Variants in COX11 observed in about 807,000 individuals in gnomAD.
The protein encoded by COX11 is cytochrome c oxidase assembly protein COX11, mitochondrial.
A neutral mutation model predicts 29.4 loss-of-function variants in COX11; 18 were observed. That is an observed-to-expected ratio of 0.61 (90% confidence interval 0.42 to 0.91). COX11 has a LOEUF of 0.91. Ranked by LOEUF, COX11 falls within the 40% of genes least tolerant of loss-of-function variation. The pLI is 0.00. For missense variants in COX11, 312 were observed against 346.0 expected, an observed-to-expected ratio of 0.90 and a Z score of 0.78; for synonymous variants, 131 against 124.0, an observed-to-expected ratio of 1.06 and a Z score of -0.38.
Position 54,968,527 on chromosome 17 carries a change from C to T in COX11, c.120G>A (p.Trp40Ter), listed in dbSNP as rs747368417. Reference sequence around the variant, plus strand: ...CTCTCTCGGCACCTCCTGTCCCACTCCACTCTGGCCTAAGAAACGGCTCTA... The same window carrying T: ...CTCTCTCGGCACCTCCTGTCCCACTTCACTCTGGCCTAAGAAACGGCTCTA... The part of the protein sequence containing the change: ...ERVEPFLRPE[W>*]SGTGGAERGL... The change falls in exon 1 of 4, where the codon TGG becomes TGA. Residue 40 changes from tryptophan (W) to a stop codon, truncating the protein, a stop_gained. Coordinates refer to ENST00000299335, the MANE Select transcript of COX11 (RefSeq NM_004375.5). LOFTEE classifies it high-confidence loss of function. 3 of 1,613,166 alleles carry T rather than the reference C, an allele frequency of 1.9e-6. No homozygotes were observed. The highest frequency in any genetic ancestry group is 1.7e-5 in the Admixed American group (1 of 60,004).
At chr17:54,966,146 TTC>T (rs1467338822) in intron 1 of COX11, among the ~76,000 whole-genome samples, 1 of 152,222 alleles carries the variant, frequency 6.6e-6, no homozygotes, top group Non-Finnish European at 1.5e-5. Flanking sequence ...AAGATGTAAC[TTC>T]TTTTACTAAA....
chr17:54,958,748 A>AAAGG (rs372776781), downstream of COX11, among the ~76,000 whole-genome samples: 15 of 118,928 alleles, frequency 1.3e-4, 2 homozygotes, highest in South Asian at 2.6e-4. Flanking sequence ...AAAAAAAAAA[A>AAAGG]GGGGTTGTTG....
chr17:54,967,029 CGTG>C (rs1446372825), intron 1 of COX11, among the ~76,000 whole-genome samples: 1 of 58,006 alleles, frequency 1.7e-5, no homozygotes, highest in African/African-American at 6.3e-5. Context: ...AATAAATAAA[CGTG>C]CGCGCGCGCG....
At chr17:54,960,038 A>G (rs1306376906), downstream of COX11, among the ~76,000 whole-genome samples, 1 of 152,180 alleles carries the variant, frequency 6.6e-6, no homozygotes, top group African/African-American at 2.4e-5. Context: ...AATTGGTTCT[A>G]TGAAATACAT....
In COX11 at chr17:54,960,533, C is replaced by T. The variant is rs763909595; in HGVS notation, c.*2200G>A. On this transcript the variant is annotated 3_prime_UTR_variant, in exon 4 of 4. Transcript: ENST00000299335. Reference sequence around the variant, plus strand: ...CCAAAATAGCACTTTGAAATTGATACATAACCCTTTTGCTGTGATGGCTTT... The same window carrying T: ...CCAAAATAGCACTTTGAAATTGATATATAACCCTTTTGCTGTGATGGCTTT... 1.9e-6 allele frequency: 3 copies of T among 1,583,470 alleles called. No individual in the cohort carries two copies. Among genetic ancestry groups the T allele is most frequent in the South Asian group, 1.1e-5 (1 of 90,402 alleles).
intron 1 of COX11, among the ~76,000 whole-genome samples, chr17:54,966,035 T>C (rs2077211464): frequency 6.6e-6 from 1 of 152,240 alleles, no homozygotes; most frequent in Non-Finnish European, 1.5e-5. Context: ...TAACTTCATT[T>C]GACTGCCATG....
downstream of COX11, among the ~76,000 whole-genome samples, chr17:54,958,812 G>A (rs999813796): frequency 1.3e-5 from 2 of 151,068 alleles, no homozygotes; most frequent in African/African-American, 4.9e-5. Flanking sequence ...ATTAAAGGCT[G>A]TACTTTGTAT....
At chr17:54,953,964 C>T (rs1337891856) in exon 1 of COX11, 1 of 152,114 alleles carries the variant, frequency 6.6e-6, no homozygotes, top group East Asian at 1.9e-4. Context: ...TCATTAGGGC[C>T]TTGTTCTATT....
In COX11 at chr17:54,960,624, T is replaced by C. The variant is rs752061150; in HGVS notation, c.*2109A>G. 6.8e-6 allele frequency: 11 copies of C among 1,607,446 alleles called. No homozygotes were observed. Among genetic ancestry groups the C allele is most frequent in the Non-Finnish European group, 9.4e-6 (11 of 1,174,516 alleles). On this transcript the variant is annotated 3_prime_UTR_variant, in exon 4 of 4. Coordinates refer to ENST00000299335, the MANE Select transcript of COX11 (RefSeq NM_004375.5). Reference sequence around the variant, plus strand: ...CAAAGGAGCTCAAAATGATGGTGACTGAGGTAAAGACTTCAACTTATACAA... The same window carrying C: ...CAAAGGAGCTCAAAATGATGGTGACCGAGGTAAAGACTTCAACTTATACAA...
chr17:54,968,673 C>G (rs774546987), upstream of COX11: 4 of 1,587,864 alleles, frequency 2.5e-6, no homozygotes, highest in African/African-American at 5.4e-5. Context: ...ACCCACCCGC[C>G]TCTCAGGGAC....
At position 54,963,443 on chromosome 17, in the gene COX11, A is replaced by AAT. The variant is rs2077166287; in HGVS notation, c.523-14_523-13dup. 2 of 1,598,892 alleles carry AAT rather than the reference A, an allele frequency of 1.3e-6. No individual in the cohort carries two copies. The highest frequency in any genetic ancestry group is 1.1e-5 in the South Asian group (1 of 87,188). ...TCTCCTGGCACCACCTGTTTTAAAG[A>AAT]ATATATATATTATCAATACTTTGAA... On this transcript the variant is annotated splice_polypyrimidine_tract_variant and intron_variant, in intron 2 of 3. Transcript: ENST00000299335.
At position 54,968,302 on chromosome 17, in the gene COX11, G is replaced by A; in HGVS notation, c.345C>T (p.Pro115=). ...GMLGASYAAV[P]LYRLYCQTTG... ...CTACCTGGCAATAGAGCCGATAAAG[G>A]GGTACGGCAGCGTAGGACGCCCCCA... Residue 115 remains proline, a synonymous_variant, in exon 1 of 4, where the codon CCC becomes CCT. Transcript: ENST00000299335. The A allele has an allele frequency of 1.2e-6, 2 of 1,612,758 alleles. No individual in the cohort carries two copies. The highest frequency in any genetic ancestry group is 1.7e-6 in the Non-Finnish European group (2 of 1,179,870).
At chr17:54,965,073 G>C (rs1280350591) in intron 1 of COX11, among the ~76,000 whole-genome samples, 2 of 152,016 alleles carry the variant, frequency 1.3e-5, no homozygotes, top group Non-Finnish European at 2.9e-5. Flanking sequence ...CAATCCCTTG[G>C]TTACCTGGCA....
chr17:54,968,206 G>C (rs2077302851), intron 1 of COX11, 75 bp downstream of exon 1: 1 of 1,548,820 alleles, frequency 6.5e-7, no homozygotes, highest in Non-Finnish European at 8.7e-7. Context: ...CGCAGAGCGA[G>C]GGCTTGTCCC....
In COX11 at chr17:54,964,649, G is replaced by A. The variant is rs368345648; in HGVS notation, c.522+48C>T. 2.4e-3 allele frequency: 3,738 copies of A among 1,536,962 alleles called. 134 individuals carry two copies. In the South Asian group the frequency reaches 0.04, roughly 16 times the overall value. On this transcript the variant is annotated intron_variant, in intron 2 of 3. Transcript: ENST00000299335. ...TGACAGTTTAAGTGATGAAAGAAAG[G>A]AATTTACATTAATAAAGTAATCTTT...
downstream of COX11, among the ~76,000 whole-genome samples, chr17:54,956,605 A>G (rs1465195354): frequency 1.3e-5 from 2 of 151,880 alleles, no homozygotes; most frequent in Non-Finnish European, 2.9e-5. Flanking sequence ...CACCGTGCCT[A>G]GCCTTTTAAT....
chr17:54,953,716 C>G (rs2049350181), exon 1 of COX11: 1 of 152,222 alleles, frequency 6.6e-6, no homozygotes, highest in Non-Finnish European at 1.5e-5. Context: ...GCCGCATCTT[C>G]TTGTCTTCCT....
downstream of COX11, among the ~76,000 whole-genome samples, chr17:54,956,577 G>A (rs148522313): frequency 0.024 from 3,628 of 152,144 alleles, 103 homozygotes; most frequent in Admixed American, 0.08. Flanking sequence ...CCAAAGTGCT[G>A]GGATTACAGG....
Position 54,968,487 on chromosome 17 carries a change from C to G in COX11, c.160G>C (p.Gly54Arg). ...GGAERGLRWL[G>R]TWKRCSLRAR... ...CGAAGGCTGCAGCGCTTCCATGTCC[C>G]AAGCCACCTCAGTCCTCTCTCGGCA... The change falls in exon 1 of 4, where the codon GGG becomes CGG. Residue 54 changes from glycine to arginine, a missense_variant. Coordinates refer to ENST00000299335, the MANE Select transcript of COX11 (RefSeq NM_004375.5). 1 of 1,613,470 alleles carries G rather than the reference C, an allele frequency of 6.2e-7. No homozygotes were observed. Among genetic ancestry groups the G allele is most frequent in the Non-Finnish European group, 8.5e-7 (1 of 1,179,982 alleles).
Sources: gnomAD v4.1 joint callset for allele counts (sites outside exome capture counted in the v4.1 genomes callset) on GRCh38, gnomAD v4.1.1 for gene constraint, MANE v1.5 for transcripts, NCBI Gene and HGNC (gene_info 2026-07-23, HGNC 2026-07-21) for gene names.